The following GPC3 variants were observed in gnomAD, a reference collection of about 807,000 sequenced individuals.
GPC3 encodes the protein glypican-3.
GPC3 carries 3 observed loss-of-function variants against 34.4 expected under a neutral mutation model. The observed-to-expected ratio is 0.09, with a 90% CI of 0.04 to 0.23. The LOEUF (loss-of-function observed/expected upper bound fraction) is 0.23. GPC3 is among the 10% of genes least tolerant of loss of function. GPC3 has a pLI of 1.00. For synonymous variants in GPC3, 177 were observed against 174.0 expected (o/e 1.02, Z -0.13); for missense variants, 351 against 445.6 (o/e 0.79, Z 1.91).
chrX:133,606,707 A>G (rs2070055012), intron 6 of GPC3, among the ~76,000 whole-genome samples: 1 of 111,519 alleles, frequency 9.0e-6, no homozygotes, highest in Non-Finnish European at 1.9e-5. Context: ...TACAGGTGTG[A>G]GTCACTGTGC....
At chrX:133,588,126 T>G (rs376734540) in intron 7 of GPC3, among the ~76,000 whole-genome samples, 1 of 111,482 alleles carries the variant, frequency 9.0e-6, no homozygotes, top group African/African-American at 3.3e-5. Context: ...CTACAAGATC[T>G]TGCCTGAGAG....
chrX:133,598,345 T>C (rs1204527945), intron 6 of GPC3, among the ~76,000 whole-genome samples: 1 of 109,775 alleles, frequency 9.1e-6, no homozygotes, highest in Non-Finnish European at 1.9e-5. Flanking sequence ...TTACTTTTTG[T>C]AGAGGCAAGG....
At chrX:133,770,042 A>G (rs745510238) in intron 2 of GPC3, among the ~76,000 whole-genome samples, 1 of 112,465 alleles carries the variant, frequency 8.9e-6, no homozygotes, top group Non-Finnish European at 1.9e-5. Context: ...TGGGAGGCCA[A>G]GGCAGGAGGA....
At chrX:133,605,755 C>CA (rs774946775) in intron 6 of GPC3, among the ~76,000 whole-genome samples, 44 of 110,017 alleles carry the variant, frequency 4.0e-4, no homozygotes, top group African/African-American at 1.4e-3. Flanking sequence ...CCTCCTAAGG[C>CA]AAAAAAAAGT....
intron 6 of GPC3, among the ~76,000 whole-genome samples, chrX:133,614,046 A>G (rs2070136560): frequency 9.0e-6 from 1 of 111,434 alleles, no homozygotes; most frequent in Admixed American, 9.5e-5. Flanking sequence ...AAGCTTCATC[A>G]ATTGAGACAA....
intron 2 of GPC3, among the ~76,000 whole-genome samples, chrX:133,831,070 A>T: frequency 8.9e-6 from 1 of 111,840 alleles, no homozygotes; most frequent in Non-Finnish European, 1.9e-5. Flanking sequence ...TTATAGTGAT[A>T]CAGAATAGAC....
chrX:133,772,259 C>A (rs1487492035), intron 2 of GPC3, among the ~76,000 whole-genome samples: 3 of 111,660 alleles, frequency 2.7e-5, no homozygotes, highest in Non-Finnish European at 5.6e-5. Context: ...AGCTTACACA[C>A]TGGCTTGCAA....
intron 2 of GPC3, among the ~76,000 whole-genome samples, chrX:133,849,084 C>CT (rs60339728): frequency 0.037 from 1,706 of 46,285 alleles, 378 homozygotes; most frequent in Non-Finnish European, 0.051. Flanking sequence ...ACTAAAGTTT[C>CT]TTTTTTTTTT....
chrX:133,889,864 C>A (rs1251371103), intron 2 of GPC3, among the ~76,000 whole-genome samples: 2 of 78,469 alleles, frequency 2.5e-5, no homozygotes, highest in Non-Finnish European at 4.5e-5. Flanking sequence ...GAGACAGAGT[C>A]TCACTCTGTT....
intron 7 of GPC3, among the ~76,000 whole-genome samples, chrX:133,576,832 T>C (rs1737571543): frequency 1.8e-5 from 2 of 109,385 alleles, no homozygotes; most frequent in South Asian, 4.0e-4. Flanking sequence ...TCTTGAAGTA[T>C]TGGCAGGCTT....
At chrX:133,696,238 C>T (rs1302862039) in intron 4 of GPC3, among the ~76,000 whole-genome samples, 1 of 112,057 alleles carries the variant, frequency 8.9e-6, no homozygotes, top group Non-Finnish European at 1.9e-5. Flanking sequence ...ATACTGTTTT[C>T]GAGGGTAGGG....
chrX:133,644,284 G>T (rs2070519260), intron 6 of GPC3, among the ~76,000 whole-genome samples: 1 of 111,272 alleles, frequency 9.0e-6, no homozygotes, highest in Non-Finnish European at 1.9e-5. Context: ...TGTGCTAATG[G>T]CTCTCATTTC....
At chrX:133,682,541 T>C (rs2070955107) in intron 5 of GPC3, among the ~76,000 whole-genome samples, 1 of 112,103 alleles carries the variant, frequency 8.9e-6, no homozygotes, top group Non-Finnish European at 1.9e-5. Context: ...TAAGTGCCTA[T>C]GTGCCAGAAC....
At chrX:133,577,682 C>T (rs1008824276) in intron 7 of GPC3, among the ~76,000 whole-genome samples, 2 of 112,137 alleles carry the variant, frequency 1.8e-5, no homozygotes, top group African/African-American at 6.5e-5. Flanking sequence ...ATCATTTGGA[C>T]AGGCTTGTTT....
chrX:133,818,442 C>T (rs1448951377), intron 2 of GPC3, among the ~76,000 whole-genome samples: 1 of 111,643 alleles, frequency 9.0e-6, no homozygotes, highest in Non-Finnish European at 1.9e-5. Flanking sequence ...GAGAGCCACC[C>T]ACCCTTGCAC....
At chrX:133,645,199 G>C (rs1313347706) in intron 6 of GPC3, among the ~76,000 whole-genome samples, 1 of 111,702 alleles carries the variant, frequency 9.0e-6, no homozygotes, top group Admixed American at 9.5e-5. Context: ...CTGAGATCTT[G>C]CCATCATCCA....
chrX:133,628,647 C>T (rs1207472678), intron 6 of GPC3, among the ~76,000 whole-genome samples: 1 of 105,435 alleles, frequency 9.5e-6, no homozygotes, highest in Non-Finnish European at 1.9e-5. Flanking sequence ...CAGAGCAAGA[C>T]TCTGTCTCAA....
intron 2 of GPC3, among the ~76,000 whole-genome samples, chrX:133,866,796 A>C (rs1251268246): frequency 9.0e-6 from 1 of 111,332 alleles, no homozygotes; most frequent in Non-Finnish European, 1.9e-5. Context: ...GACTAGAAAA[A>C]AGGCATAGGT....
intron 6 of GPC3, 88 bp downstream of exon 6, chrX:133,661,642 C>CCT (rs1428412834): frequency 2.9e-4 from 7 of 23,795 alleles, no homozygotes; most frequent in African/African-American, 1.3e-3. Context: ...CTCCCCCCCC[C>CCT]CTCTCTCTCC....
Sources: allele counts gnomAD v4.1 joint callset (sites outside exome capture counted in the v4.1 genomes callset), GRCh38; gene constraint gnomAD v4.1.1; transcripts MANE v1.5; gene names NCBI Gene and HGNC (gene_info 2026-07-23, HGNC 2026-07-21).